PIEZO2: variants seen among roughly 807,000 people sequenced by gnomAD.
PIEZO2 encodes the protein piezo type mechanosensitive ion channel component 2.
A neutral mutation model predicts 337.3 loss-of-function variants in PIEZO2; 172 were observed. The ratio of observed to expected loss-of-function variants is 0.51; its 90% CI spans 0.45 to 0.58. PIEZO2 has a LOEUF of 0.58. PIEZO2 is among the 20% of genes least tolerant of loss of function. The probability of loss-of-function intolerance (pLI) is 0.00; values close to 1 mark genes in which losing one functional copy is unlikely to be tolerated. For synonymous variants in PIEZO2, 1,251 were observed against 1,228.5 expected (o/e 1.02, Z -0.38); for missense variants, 3,028 against 3,391.3 (o/e 0.89, Z 2.66).
At chr18:10,738,130 A>G (rs1442332292) in intron 33 of PIEZO2, 2 of 152,242 alleles carry the variant, frequency 1.3e-5, no homozygotes, top group African/African-American at 4.8e-5. Context: ...GCAATACAAC[A>G]CAAGTGAGAA....
intron 3 of PIEZO2, among the ~76,000 whole-genome samples, chr18:10,949,590 C>G (rs1335655226): frequency 1.3e-5 from 2 of 152,232 alleles, no homozygotes; most frequent in African/African-American, 2.4e-5. Flanking sequence ...TTTTTCTATT[C>G]CATCTGGATA....
At chr18:11,041,662 A>T (rs561695019) in intron 2 of PIEZO2, among the ~76,000 whole-genome samples, 1 of 152,182 alleles carries the variant, frequency 6.6e-6, no homozygotes, top group Non-Finnish European at 1.5e-5. Context: ...CTACGATGTC[A>T]ATTTGTATGG....
rs369263774 is a variant in PIEZO2 at position 10,704,387 on chromosome 18, G to C, written c.6258+7C>G. The C allele has an allele frequency of 2.6e-6, 4 of 1,536,988 alleles. No individual in the cohort carries two copies. Among genetic ancestry groups the C allele is most frequent in the African/African-American group, 2.7e-5 (2 of 73,154 alleles). ...AGCCATCCACAGGGGTCTGCGTCCAGGCCTACCTCAGTATAGACGATGGCC... is the reference window on the plus strand; with the variant it reads ...AGCCATCCACAGGGGTCTGCGTCCACGCCTACCTCAGTATAGACGATGGCC... On this transcript the variant is annotated splice_region_variant and intron_variant, in intron 42 of 55. Coordinates refer to ENST00000674853, the MANE Select transcript of PIEZO2 (RefSeq NM_001378183.1).
chr18:11,011,176 T>C (rs1410186447), intron 2 of PIEZO2, among the ~76,000 whole-genome samples: 1 of 152,258 alleles, frequency 6.6e-6, no homozygotes, highest in Non-Finnish European at 1.5e-5. Flanking sequence ...TTCTTTGATA[T>C]TTTAGTTTTC....
chr18:10,845,415 T>C (rs190638367), intron 7 of PIEZO2, among the ~76,000 whole-genome samples: 3 of 152,248 alleles, frequency 2.0e-5, no homozygotes, highest in African/African-American at 7.2e-5. Context: ...TTTTACTAAA[T>C]TACTAGATTC....
rs921020500 is a variant in PIEZO2, at chr18:10,952,895, C to T, written c.286+26640G>A. On this transcript the variant is annotated intron_variant, in intron 3 of 55. Transcript: ENST00000674853. The surrounding 1 kb of genome is among the most constrained non-coding windows in gnomAD (Gnocchi z 4.1). The stretch of plus-strand genomic sequence containing the variant: ...CCTTCCTTCCTTCCTTTCATCCCTC[C>T]CTCCATCCCTCCCTCCCTCCTTCCT... Among the ~76,000 whole-genome samples, 1 of 150,074 alleles carries T rather than the reference C, an allele frequency of 6.7e-6. No individual in the cohort carries two copies. Among genetic ancestry groups the T allele is most frequent in the Non-Finnish European group, 1.5e-5 (1 of 67,642 alleles).
At chr18:11,081,374 G>A (rs2038734482) in intron 1 of PIEZO2, among the ~76,000 whole-genome samples, 1 of 152,210 alleles carries the variant, frequency 6.6e-6, no homozygotes, top group Admixed American at 6.5e-5. Flanking sequence ...ATGAGTCCCA[G>A]TGGGCAGCCA....
chr18:10,947,013 G>A (rs2033057592), intron 3 of PIEZO2, among the ~76,000 whole-genome samples: 1 of 151,504 alleles, frequency 6.6e-6, no homozygotes, highest in African/African-American at 2.4e-5. Context: ...ATACAAAATA[G>A]AAGTTATTAA....
intron 5 of PIEZO2, among the ~76,000 whole-genome samples, chr18:10,858,893 A>G (rs549041323): frequency 3.9e-5 from 6 of 152,294 alleles, no homozygotes; most frequent in Admixed American, 6.5e-5. Flanking sequence ...ACACATTTGT[A>G]TATTTTTTTC....
intron 23 of PIEZO2, among the ~76,000 whole-genome samples, chr18:10,761,922 A>G (rs891543434): frequency 6.6e-6 from 1 of 152,216 alleles, no homozygotes; most frequent in South Asian, 2.1e-4. Context: ...TGTTGTTTTC[A>G]TTATGTTTGT....
Position 11,002,322 on chromosome 18 carries a change from C to G in PIEZO2, c.161-22662G>C, listed in dbSNP as rs1188556258. Among the ~76,000 whole-genome samples the G allele has an allele frequency of 6.6e-6, 1 of 152,178 alleles. No homozygotes were observed. The highest frequency in any genetic ancestry group is 1.5e-5 in the Non-Finnish European group (1 of 68,032). ...TGTAGTTTGCTGATCCCTGCTCTAG[C>G]TGGAGAAAGCATACTTCAGAGTAAA... is the stretch of plus-strand genomic sequence containing the variant. On this transcript the variant is annotated intron_variant, in intron 2 of 55. Transcript: ENST00000674853. The surrounding 1 kb of genome is among the most constrained non-coding windows in gnomAD (Gnocchi z 4.3).
rs117581960 is a variant in PIEZO2 at position 11,096,666 on chromosome 18, G to A, written c.65-30444C>T. ...CATCTCCCCCACCCAACACACACAC[G>A]TATCTACCTCTTGTCTTTCAAGGAG... On this transcript the variant is annotated intron_variant, in intron 1 of 55. Coordinates refer to ENST00000674853, the MANE Select transcript of PIEZO2 (RefSeq NM_001378183.1). This position sits in a 1 kb window ranked among gnomAD's most constrained non-coding sequence, Gnocchi z 4.6. Among the ~76,000 whole-genome samples, 12 of 152,124 alleles carry A rather than the reference G, an allele frequency of 7.9e-5. No individual in the cohort carries two copies. The East Asian group carries it at 1.9e-3, about 24-fold the overall frequency.
chr18:10,715,669 A>G lies in PIEZO2; in HGVS notation c.5237T>C (p.Leu1746Pro). ...TGTTACCTTCTTAATTTCTCTGGTC[A>G]GCATGCATCGTTCAATTCTCAGAAC... is the stretch of plus-strand genomic sequence containing the variant. ...STVLRIERCM[L>P]TREIKKGNVP... The change falls in exon 38 of 56, where the codon CTG becomes CCG. Residue 1746 changes from leucine to proline, a missense_variant. By Grantham distance (98) the Leu-to-Pro change is moderately conservative. Around this residue, in one of 5 missense-constraint regions of PIEZO2, gnomAD observed 1,925 missense variants for 2,051.9 expected, o/e 0.94. Coordinates refer to ENST00000674853, the MANE Select transcript of PIEZO2 (RefSeq NM_001378183.1). The G allele has an allele frequency of 6.5e-7, 1 of 1,533,080 alleles. No individual in the cohort carries two copies. Among genetic ancestry groups the G allele is most frequent in the Non-Finnish European group, 8.7e-7 (1 of 1,145,264 alleles). The allele number at this position is 1,533,080 out of a possible 1,614,324, so 95.0% of individuals were successfully genotyped here. A position where few individuals can be genotyped will look rare whatever the true frequency, so the allele number is the denominator to read the frequency against.
At position 11,104,806 on chromosome 18, in the gene PIEZO2, G is replaced by C. The variant is rs116742532; in HGVS notation, c.65-38584C>G. Among the ~76,000 whole-genome samples, 557 of 152,266 alleles carry C rather than the reference G, an allele frequency of 3.7e-3. 4 individuals carry two copies. Among genetic ancestry groups the C allele is most frequent in the African/African-American group, 0.013 (521 of 41,566 alleles). On this transcript the variant is annotated intron_variant, in intron 1 of 55. Transcript: ENST00000674853. The surrounding 1 kb of genome is among the most constrained non-coding windows in gnomAD (Gnocchi z 4.6). ...TATAACGGCGCCTGCTTCTCTTGGG[G>C]ACCACTCTCCTCCATCATGCTTGAT...
At chr18:10,977,285 A>G (rs978738599) in intron 3 of PIEZO2, among the ~76,000 whole-genome samples, 5 of 150,850 alleles carry the variant, frequency 3.3e-5, no homozygotes, top group Admixed American at 2.6e-4. Context: ...ATTTTTTTGC[A>G]GACATGAATA....
intron 2 of PIEZO2, among the ~76,000 whole-genome samples, chr18:11,061,551 A>G (rs1472933332): frequency 6.6e-6 from 1 of 152,224 alleles, no homozygotes; most frequent in African/African-American, 2.4e-5. Flanking sequence ...AGGCAACTTC[A>G]GCAAAGTCTC....
rs1285525751 is a variant in PIEZO2 at position 10,676,580 on chromosome 18, C to A, written c.8081+1167G>T. Among the ~76,000 whole-genome samples the A allele has an allele frequency of 6.6e-6, 1 of 152,200 alleles. No individual in the cohort carries two copies. The highest frequency in any genetic ancestry group is 6.5e-5 in the Admixed American group (1 of 15,280). On this transcript the variant is annotated intron_variant, in intron 53 of 55. Transcript: ENST00000674853. The surrounding 1 kb of genome is among the most constrained non-coding windows in gnomAD (Gnocchi z 5.1). ...TGTATACTCTACCCCCATTCAGAGA[C>A]CCAGGGGCAGGAATAATAGTAGAAA...
intron 30 of PIEZO2, among the ~76,000 whole-genome samples, chr18:10,747,458 A>T (rs1045659786): frequency 2.0e-5 from 3 of 152,246 alleles, no homozygotes; most frequent in Non-Finnish European, 4.4e-5. Context: ...ACAAGTAAGT[A>T]AGGTTACTAT....
chr18:11,065,564 G>C (rs115718946), intron 2 of PIEZO2, among the ~76,000 whole-genome samples: 2 of 152,168 alleles, frequency 1.3e-5, no homozygotes, highest in African/African-American at 4.8e-5. Flanking sequence ...CAGAATGGGA[G>C]CTGAAGTGTT....
Sources: allele counts gnomAD v4.1 joint callset (sites outside exome capture counted in the v4.1 genomes callset), GRCh38; gene constraint gnomAD v4.1.1; regional missense constraint gnomAD v4.1.1; non-coding constraint Gnocchi (gnomAD v3.1); transcripts MANE v1.5; gene names NCBI Gene and HGNC (gene_info 2026-07-23, HGNC 2026-07-21).